EBPL: variants seen among roughly 807,000 people sequenced by gnomAD.
EBPL encodes the protein emopamil-binding protein-like.
In EBPL, 20 loss-of-function variants were observed where a neutral mutation model predicts 19.0. That is an observed-to-expected ratio of 1.05 (90% CI 0.74 to 1.53). The LOEUF (loss-of-function observed/expected upper bound fraction) is 1.53. Among genes scored for constraint, EBPL ranks in the 40% most tolerant of loss-of-function variants. The probability of loss-of-function intolerance (pLI) is 0.00; values close to 1 mark genes in which losing one functional copy is unlikely to be tolerated. For missense variants in EBPL, 219 were observed against 261.1 expected (o/e 0.84, Z 1.11); for synonymous variants, 107 against 117.0 (o/e 0.91, Z 0.55).
intron 1 of EBPL, 27 bp downstream of exon 1, chr13:49,691,227 G>GT (rs1954060353): frequency 2.3e-6 from 3 of 1,332,960 alleles, no homozygotes; most frequent in South Asian, 2.5e-5. Context: ...GGGATGGGGA[G>GT]TGCAGGGTCT....
intron 1 of EBPL, among the ~76,000 whole-genome samples, chr13:49,680,719 G>A (rs1953933311): frequency 6.6e-6 from 1 of 152,172 alleles, no homozygotes; most frequent in Admixed American, 6.5e-5. Context: ...CTACTCAGGA[G>A]GCTGAGGCAG....
Position 49,670,390 on chromosome 13 carries a change from C to T in EBPL, c.172-544G>A, listed in dbSNP as rs1953799140. ...TCAGGTAATAAAATATCTGCAATTA[C>T]AGTTAGTATTTTCCCATCACTGAAG... On this transcript the variant is annotated intron_variant, in intron 1 of 3. Coordinates refer to ENST00000242827, the MANE Select transcript of EBPL (RefSeq NM_032565.5). Among the ~76,000 whole-genome samples the T allele has an allele frequency of 2.0e-5, 3 of 152,312 alleles. No individual in the cohort carries two copies. In the South Asian group the frequency reaches 6.2e-4, roughly 32 times the overall value.
chr13:49,669,392 G>A (rs752607762), intron 2 of EBPL, among the ~76,000 whole-genome samples: 11 of 152,072 alleles, frequency 7.2e-5, no homozygotes, highest in Non-Finnish European at 1.6e-4. Context: ...TTTAAAGATA[G>A]GGTCTTGCTA....
chr13:49,687,057 G>A (rs778728748), intron 1 of EBPL, among the ~76,000 whole-genome samples: 3 of 152,042 alleles, frequency 2.0e-5, no homozygotes, highest in Non-Finnish European at 4.4e-5. Flanking sequence ...ATCCTGCCTC[G>A]GCCTCCCAAA....
intron 1 of EBPL, 80 bp from the exon 2 acceptor site, chr13:49,669,926 G>C (rs1953793332): frequency 9.1e-7 from 1 of 1,104,048 alleles, no homozygotes; most frequent in African/African-American, 1.6e-5. Flanking sequence ...GGCATTGCCT[G>C]GCTCCATCCC....
chr13:49,666,168 G>C (rs1594405024), intron 2 of EBPL, among the ~76,000 whole-genome samples: 1 of 152,162 alleles, frequency 6.6e-6, no homozygotes, highest in Admixed American at 6.5e-5. Flanking sequence ...GAGGGGGTGG[G>C]ATGAGCCCTG....
chr13:49,687,548 C>T (rs1461125810), intron 1 of EBPL, among the ~76,000 whole-genome samples: 3 of 152,112 alleles, frequency 2.0e-5, no homozygotes, highest in Non-Finnish European at 4.4e-5. Flanking sequence ...AGTAGTAAAC[C>T]TGGGAGACAG....
Position 49,673,962 on chromosome 13 carries a change from TACACAC to T in EBPL, c.172-4122_172-4117del, listed in dbSNP as rs56323070. Reference sequence around the variant, plus strand: ...GTTGATACAATTATATGGAACTTAATACACACACACACACACACACACACACACACC... The same window carrying T: ...GTTGATACAATTATATGGAACTTAATACACACACACACACACACACACACC... On this transcript the variant is annotated intron_variant, in intron 1 of 3. Transcript: ENST00000242827. 5.0e-4 allele frequency among the ~76,000 whole-genome samples: 71 copies of T among 143,368 alleles called. 1 individual carries two copies. The East Asian group carries it at 7.3e-3, about 15-fold the overall frequency. 94.1% of individuals were successfully genotyped at this position (143,368 alleles called of 152,430 possible).
At chr13:49,666,727 A>C (rs1196164433) in intron 2 of EBPL, among the ~76,000 whole-genome samples, 16 of 150,496 alleles carry the variant, frequency 1.1e-4, no homozygotes, top group East Asian at 2.0e-4. Flanking sequence ...AAAAAAAAAA[A>C]AAAAAAACAA....
rs117579824 is a variant in EBPL at position 49,680,150 on chromosome 13, C to T, written c.172-10304G>A. Among the ~76,000 whole-genome samples, 910 of 152,290 alleles carry T rather than the reference C, an allele frequency of 6.0e-3. 15 individuals are homozygous for T. Among genetic ancestry groups the T allele is most frequent in the Non-Finnish European group, 5.6e-3 (380 of 68,012 alleles). On this transcript the variant is annotated intron_variant, in intron 1 of 3. Transcript: ENST00000242827. ...CAGTGGGCATGAGCCATGAGTTCTA[C>T]ACCTGCCAAGACCCACGAGCCACAG... is the stretch of plus-strand genomic sequence containing the variant.
At chr13:49,675,148 T>A (rs1270636156) in intron 1 of EBPL, among the ~76,000 whole-genome samples, 1 of 152,226 alleles carries the variant, frequency 6.6e-6, no homozygotes, top group African/African-American at 2.4e-5. Flanking sequence ...TCATAGAGTG[T>A]ATTCACACAA....
chr13:49,681,393 C>G (rs1566320637), intron 1 of EBPL, among the ~76,000 whole-genome samples: 1 of 152,150 alleles, frequency 6.6e-6, no homozygotes, highest in East Asian at 1.9e-4. Context: ...CAGGTTCAAG[C>G]AATTCTTCTG....
chr13:49,674,234 C>T (rs982314968), intron 1 of EBPL, among the ~76,000 whole-genome samples: 5 of 152,104 alleles, frequency 3.3e-5, no homozygotes, highest in Non-Finnish European at 7.4e-5. Flanking sequence ...TCCCAAGTAG[C>T]TGGGGTTACA....
intron 1 of EBPL, among the ~76,000 whole-genome samples, chr13:49,673,962 T>TACACACACACACAC (rs56323070): frequency 0.051 from 7,304 of 143,238 alleles, 216 homozygotes; most frequent in Middle Eastern, 0.084. Context: ...TGGAACTTAA[T>TACACACACACACAC]ACACACACAC....
At chr13:49,674,477 G>T (rs984549351) in intron 1 of EBPL, among the ~76,000 whole-genome samples, 1 of 151,960 alleles carries the variant, frequency 6.6e-6, no homozygotes, top group Non-Finnish European at 1.5e-5. Context: ...AGGGACCTCT[G>T]TATTATTTCT....
At chr13:49,683,689 T>TA (rs1250840813) in intron 1 of EBPL, among the ~76,000 whole-genome samples, 4 of 151,952 alleles carry the variant, frequency 2.6e-5, no homozygotes, top group African/African-American at 7.3e-5. Context: ...AAAACAAAAG[T>TA]AAAAAACACA....
intron 1 of EBPL, among the ~76,000 whole-genome samples, chr13:49,674,266 C>T (rs1184039028): frequency 9.9e-5 from 15 of 152,082 alleles, no homozygotes; most frequent in Admixed American, 9.2e-4. Context: ...CCATGCCTGG[C>T]TAATTTTTTG....
At chr13:49,663,682 A>T (rs1379277646) in intron 2 of EBPL, among the ~76,000 whole-genome samples, 1 of 152,212 alleles carries the variant, frequency 6.6e-6, no homozygotes, top group Non-Finnish European at 1.5e-5. Flanking sequence ...TCACACCTGT[A>T]ATCCCAACAC....
intron 2 of EBPL, 131 bp from the exon 3 acceptor site, chr13:49,663,326 C>T (rs1965176810): frequency 1.6e-6 from 2 of 1,214,574 alleles, no homozygotes; most frequent in Non-Finnish European, 2.3e-6. Context: ...TTCACGATGC[C>T]TTAGTGGAAG....
Sources: allele counts gnomAD v4.1 joint callset (sites outside exome capture counted in the v4.1 genomes callset), GRCh38; gene constraint gnomAD v4.1.1; transcripts MANE v1.5; gene names NCBI Gene and HGNC (gene_info 2026-07-23, HGNC 2026-07-21).